The following TACR3 variants were observed in gnomAD, a reference collection of about 807,000 sequenced individuals.
The protein encoded by TACR3 is neuromedin-K receptor.
TACR3 carries 34 observed loss-of-function variants against 35.0 expected under a neutral mutation model. That is an observed-to-expected ratio of 0.97 (90% CI 0.74 to 1.30). The LOEUF is 1.30. Among genes scored for constraint, TACR3 ranks in the 50% most tolerant of loss-of-function variants. The pLI is 0.00. For synonymous variants in TACR3, 233 were observed against 221.1 expected (o/e 1.05, Z -0.48); for missense variants, 558 against 591.7 (o/e 0.94, Z 0.59).
rs868305875 is a variant in TACR3, at chr4:103,590,142, G to A, written c.1086-148C>T. On this transcript the variant is annotated intron_variant, in intron 4 of 4. Transcript: ENST00000304883. ...CCAGACTCTTAGAATTTATGTCACA[G>A]TACTGTTGTTAGTCGTTTAGTTCTT... 68 of 885,564 alleles carry A rather than the reference G, an allele frequency of 7.7e-5. No individual in the cohort carries two copies. In the Middle Eastern group the frequency reaches 2.0e-3, roughly 27 times the overall value. 54.9% of individuals were successfully genotyped at this position (885,564 alleles called of 1,614,324 possible).
chr4:103,629,634 T>C (rs1724997013), intron 3 of TACR3, among the ~76,000 whole-genome samples: 1 of 151,518 alleles, frequency 6.6e-6, no homozygotes, highest in African/African-American at 2.4e-5. Context: ...CTCAATGAAA[T>C]AAAAGAGTAC....
chr4:103,621,070 A>G (rs1245690539), intron 3 of TACR3, among the ~76,000 whole-genome samples: 1 of 152,216 alleles, frequency 6.6e-6, no homozygotes, highest in Non-Finnish European at 1.5e-5. Flanking sequence ...CATTACTTAT[A>G]TAATGTTGTA....
intron 3 of TACR3, 82 bp downstream of exon 3, chr4:103,656,112 T>C: frequency 6.6e-7 from 1 of 1,525,904 alleles, no homozygotes; most frequent in South Asian, 1.1e-5. Flanking sequence ...TCATATTGTA[T>C]TAACATGCCA....
intron 1 of TACR3, among the ~76,000 whole-genome samples, chr4:103,707,485 T>C (rs894976929): frequency 6.6e-6 from 1 of 152,202 alleles, no homozygotes; most frequent in Non-Finnish European, 1.5e-5. Flanking sequence ...TATAGATTCT[T>C]ATGTGTCTAT....
At chr4:103,703,404 AAAAAG>A (rs1037163896) in intron 1 of TACR3, among the ~76,000 whole-genome samples, 1 of 152,162 alleles carries the variant, frequency 6.6e-6, no homozygotes, top group African/African-American at 2.4e-5. Context: ...AGATGATGAA[AAAAAG>A]AAAACTATAA....
intron 3 of TACR3, among the ~76,000 whole-genome samples, chr4:103,620,750 T>G (rs999413027): frequency 4.0e-5 from 6 of 151,822 alleles, no homozygotes; most frequent in South Asian, 2.1e-4. Flanking sequence ...TACTGGAGGG[T>G]GGGGGTGGAT....
intron 1 of TACR3, among the ~76,000 whole-genome samples, chr4:103,689,144 G>C (rs370268419): frequency 6.7e-6 from 1 of 149,196 alleles, no homozygotes; most frequent in African/African-American, 2.5e-5. Flanking sequence ...GTAAACTATC[G>C]CAAGAACAAA....
At chr4:103,660,245 AT>A (rs147124453) in intron 1 of TACR3, among the ~76,000 whole-genome samples, 3,867 of 152,142 alleles carry the variant, frequency 0.025, 186 homozygotes, top group African/African-American at 0.088. Context: ...TATAACAGCC[AT>A]TAGGTAAACA....
At chr4:103,597,101 C>T (rs1231373397) in intron 3 of TACR3, among the ~76,000 whole-genome samples, 4 of 151,388 alleles carry the variant, frequency 2.6e-5, no homozygotes, top group Non-Finnish European at 5.9e-5. Flanking sequence ...ATTTATAATC[C>T]TTTGGGTATA....
chr4:103,719,434 G>A lies in TACR3; in HGVS notation c.242C>T (p.Pro81Leu). 2 of 1,614,246 alleles carry A rather than the reference G, an allele frequency of 1.2e-6. No individual in the cohort carries two copies. The highest frequency in any genetic ancestry group is 1.7e-6 in the Non-Finnish European group (2 of 1,180,042). ...GGACCAGAGCGCGATGCGCCAGGAC[G>A]GCTGCACGAACTGGTTGGTGAGGTT... ...WANLTNQFVQ[P>L]SWRIALWSLA... The change falls in exon 1 of 5, where the codon CCG (proline) becomes CTG (leucine). Residue 81 changes from proline to leucine, a missense_variant. Coordinates refer to ENST00000304883, the MANE Select transcript of TACR3 (RefSeq NM_001059.3).
intron 1 of TACR3, among the ~76,000 whole-genome samples, chr4:103,661,384 T>C (rs1725834391): frequency 6.6e-6 from 1 of 152,170 alleles, no homozygotes; most frequent in Admixed American, 6.5e-5. Context: ...ATTTCTGTAT[T>C]GGTGTTTCAA....
intron 3 of TACR3, among the ~76,000 whole-genome samples, chr4:103,627,767 T>G (rs539452615): frequency 6.6e-6 from 1 of 152,250 alleles, no homozygotes; most frequent in East Asian, 1.9e-4. Flanking sequence ...TATCCAGGAC[T>G]TGAACTCAGC....
intron 3 of TACR3, among the ~76,000 whole-genome samples, chr4:103,608,735 G>A (rs1161907076): frequency 6.6e-6 from 1 of 152,052 alleles, no homozygotes; most frequent in Non-Finnish European, 1.5e-5. Flanking sequence ...CAGAGTATGA[G>A]CAAATGGATT....
intron 3 of TACR3, among the ~76,000 whole-genome samples, chr4:103,642,863 A>G (rs1435569236): frequency 6.6e-6 from 1 of 151,860 alleles, no homozygotes; most frequent in Non-Finnish European, 1.5e-5. Flanking sequence ...GAGCTGATGG[A>G]TATACTAATT....
intron 3 of TACR3, among the ~76,000 whole-genome samples, chr4:103,620,943 C>A (rs1724763417): frequency 6.6e-6 from 1 of 152,130 alleles, no homozygotes; most frequent in African/African-American, 2.4e-5. Flanking sequence ...ATCTTATAAG[C>A]ATTTATACCA....
At chr4:103,632,166 A>G in intron 3 of TACR3, among the ~76,000 whole-genome samples, 1 of 152,318 alleles carries the variant, frequency 6.6e-6, no homozygotes, top group Admixed American at 6.5e-5. Flanking sequence ...AGAAATGCGC[A>G]TTCGTCTTAG....
chr4:103,711,734 T>C (rs1400301628), intron 1 of TACR3, among the ~76,000 whole-genome samples: 4 of 152,136 alleles, frequency 2.6e-5, no homozygotes, highest in Non-Finnish European at 4.4e-5. Context: ...TGATTGTATA[T>C]CTAGAAAACC....
intron 1 of TACR3, among the ~76,000 whole-genome samples, chr4:103,665,508 ATTTAT>A (rs1424124434): frequency 1.3e-4 from 20 of 152,168 alleles, no homozygotes; most frequent in Non-Finnish European, 1.9e-4. Flanking sequence ...TCATTTATGT[ATTTAT>A]TTTAAAGAAC....
intron 1 of TACR3, among the ~76,000 whole-genome samples, chr4:103,701,966 A>T (rs376478538): frequency 1.3e-5 from 2 of 152,178 alleles, no homozygotes; most frequent in South Asian, 2.1e-4. Flanking sequence ...AACCTAGGCA[A>T]TACCATTCAG....
Sources: allele counts gnomAD v4.1 joint callset (sites outside exome capture counted in the v4.1 genomes callset), GRCh38; gene constraint gnomAD v4.1.1; transcripts MANE v1.5; gene names NCBI Gene and HGNC (gene_info 2026-07-23, HGNC 2026-07-21).